PLPPR4: variants seen among roughly 807,000 people sequenced by gnomAD.
PLPPR4 encodes phospholipid phosphatase related 4.
A neutral mutation model predicts 56.6 loss-of-function variants in PLPPR4; 24 were observed. The ratio of observed to expected loss-of-function variants is 0.42; its 90% confidence interval spans 0.31 to 0.60. The LOEUF is 0.60. Ranked by LOEUF, PLPPR4 falls within the 20% of genes least tolerant of loss-of-function variation. The pLI, the probability that PLPPR4 is intolerant of heterozygous loss-of-function variation, is 0.13. For missense variants in PLPPR4, 654 were observed against 885.8 expected (o/e 0.74, Z 3.32); for synonymous variants, 326 against 328.1 (o/e 0.99, Z 0.07).
At chr1:99,287,559 T>G (rs1486187427) in intron 1 of PLPPR4, among the ~76,000 whole-genome samples, 1 of 152,194 alleles carries the variant, frequency 6.6e-6, no homozygotes, top group Admixed American at 6.5e-5. Flanking sequence ...ATCTATTGTT[T>G]CCTGACTTTT....
chr1:99,270,279 GC>G (rs1161886677), intron 1 of PLPPR4, among the ~76,000 whole-genome samples: 2 of 152,118 alleles, frequency 1.3e-5, no homozygotes, highest in African/African-American at 4.8e-5. Context: ...TCCCGCCTCA[GC>G]CTCCCAAAGT....
intron 1 of PLPPR4, among the ~76,000 whole-genome samples, chr1:99,283,100 T>C (rs1659371644): frequency 6.6e-6 from 1 of 151,860 alleles, no homozygotes; most frequent in Non-Finnish European, 1.5e-5. Context: ...TCCCAGGACC[T>C]AGAACGAGGC....
intron 2 of PLPPR4, among the ~76,000 whole-genome samples, chr1:99,290,434 A>G (rs1353887564): frequency 6.6e-6 from 1 of 152,174 alleles, no homozygotes; most frequent in Non-Finnish European, 1.5e-5. Context: ...TAGAACTAGA[A>G]AAATCTATTT....
At chr1:99,292,222 T>A (rs1196957337) in intron 2 of PLPPR4, among the ~76,000 whole-genome samples, 2 of 152,198 alleles carry the variant, frequency 1.3e-5, no homozygotes, top group African/African-American at 2.4e-5. Context: ...GTTGTGGCAC[T>A]CCCTGCCAGC....
intron 3 of PLPPR4, among the ~76,000 whole-genome samples, chr1:99,297,968 C>T (rs1187001399): frequency 6.6e-6 from 1 of 151,976 alleles, no homozygotes; most frequent in Non-Finnish European, 1.5e-5. Flanking sequence ...AGTCCATTAT[C>T]CAAAGGAAAA....
chr1:99,301,310 C>A (rs1171585806), intron 5 of PLPPR4, among the ~76,000 whole-genome samples: 1 of 151,960 alleles, frequency 6.6e-6, no homozygotes, highest in Non-Finnish European at 1.5e-5. Flanking sequence ...CACACACACA[C>A]ACACACACGT....
Position 99,307,033 on chromosome 1 carries a change from G to A in PLPPR4, c.*23G>A, listed in dbSNP as rs1010701363. On this transcript the variant is annotated 3_prime_UTR_variant, in exon 7 of 7. Coordinates refer to ENST00000370185, the MANE Select transcript of PLPPR4 (RefSeq NM_014839.5). The stretch of plus-strand genomic sequence containing the variant: ...TGAGTGATGTCCATTCCATCATTAG[G>A]GCTACTCGCAAAAGACCATATGTTG... The A allele has an allele frequency of 1.3e-6, 2 of 1,558,122 alleles. No individual in the cohort carries two copies. The highest frequency in any genetic ancestry group is 1.4e-5 in the African/African-American group (1 of 73,494).
chr1:99,300,158 T>C (rs1317766680), intron 4 of PLPPR4, among the ~76,000 whole-genome samples: 2 of 152,032 alleles, frequency 1.3e-5, no homozygotes, highest in East Asian at 1.9e-4. Context: ...CTCTGTTGAA[T>C]GGGGATCTTG....
intron 1 of PLPPR4, among the ~76,000 whole-genome samples, chr1:99,281,883 T>C (rs1045713045): frequency 6.6e-6 from 1 of 152,196 alleles, no homozygotes; most frequent in East Asian, 1.9e-4. Context: ...TTAGAATAGC[T>C]CTTGCATATG....
intron 1 of PLPPR4, among the ~76,000 whole-genome samples, chr1:99,279,508 C>T (rs767622592): frequency 7.9e-5 from 12 of 152,164 alleles, no homozygotes; most frequent in Non-Finnish European, 1.3e-4. Context: ...GACCTGAGGG[C>T]ACCACATCAG....
intron 6 of PLPPR4, among the ~76,000 whole-genome samples, chr1:99,302,902 T>C (rs377245918): frequency 3.3e-5 from 5 of 151,818 alleles, no homozygotes; most frequent in African/African-American, 1.2e-4. Context: ...ATTTTCTTAA[T>C]CCAGTCTATC....
At chr1:99,271,943 T>TGTGTGTGTGAGA (rs140869914) in intron 1 of PLPPR4, among the ~76,000 whole-genome samples, 2 of 126,970 alleles carry the variant, frequency 1.6e-5, no homozygotes, top group Admixed American at 8.0e-5. Context: ...TGTGTGTGTG[T>TGTGTGTGTGAGA]GATGGAGATC....
At chr1:99,264,702 A>G in intron 1 of PLPPR4, 31 bp downstream of exon 1, 1 of 1,546,768 alleles carries the variant, frequency 6.5e-7, no homozygotes, top group Non-Finnish European at 8.7e-7. Flanking sequence ...GGCATAATGC[A>G]GATCCTCTGG....
At chr1:99,304,530 T>C (rs1375744907) in intron 6 of PLPPR4, among the ~76,000 whole-genome samples, 1 of 152,176 alleles carries the variant, frequency 6.6e-6, no homozygotes, top group Non-Finnish European at 1.5e-5. Context: ...CAATTATTAA[T>C]AGAACATGAG....
intron 2 of PLPPR4, among the ~76,000 whole-genome samples, chr1:99,288,578 A>C (rs1659532741): frequency 6.6e-6 from 1 of 152,120 alleles, no homozygotes; most frequent in African/African-American, 2.4e-5. Context: ...CTAGATTATC[A>C]CTGTTTATTG....
chr1:99,286,897 T>C (rs762729217), intron 1 of PLPPR4, among the ~76,000 whole-genome samples: 2 of 152,204 alleles, frequency 1.3e-5, no homozygotes, highest in South Asian at 2.1e-4. Context: ...AAATACTTTG[T>C]TGTTGTTGTT....
At chr1:99,268,935 T>A (rs116309700) in intron 1 of PLPPR4, among the ~76,000 whole-genome samples, 10,485 of 152,200 alleles carry the variant, frequency 0.069, 580 homozygotes, top group East Asian at 0.17. Context: ...AACTTTTTGT[T>A]TATTATTATA....
intron 1 of PLPPR4, among the ~76,000 whole-genome samples, chr1:99,268,341 C>A (rs1658959950): frequency 6.6e-6 from 1 of 152,174 alleles, no homozygotes; most frequent in African/African-American, 2.4e-5. Flanking sequence ...TAGTGCCCCT[C>A]AACAAGAACT....
At chr1:99,304,405 C>T (rs1316844020) in intron 6 of PLPPR4, among the ~76,000 whole-genome samples, 5 of 152,136 alleles carry the variant, frequency 3.3e-5, no homozygotes, top group Non-Finnish European at 1.5e-5. Flanking sequence ...ATGACAAAAT[C>T]ACCTGTCAAT....
Sources: gnomAD v4.1 joint callset for allele counts (sites outside exome capture counted in the v4.1 genomes callset) on GRCh38, gnomAD v4.1.1 for gene constraint, MANE v1.5 for transcripts, NCBI Gene and HGNC (gene_info 2026-07-23, HGNC 2026-07-21) for gene names.